The following SIAH3 variants were observed in gnomAD, a reference collection of about 807,000 sequenced individuals.
SIAH3 encodes the protein seven in absentia homolog 3.
SIAH3 carries 9 observed loss-of-function variants against 12.6 expected under a neutral mutation model. The ratio of observed to expected loss-of-function variants is 0.72; its 90% CI spans 0.43 to 1.25. The LOEUF is 1.25. SIAH3 is among the 50% of genes most tolerant of loss of function. The pLI is 0.00. For missense variants in SIAH3, 390 were observed against 365.4 expected (o/e 1.07, Z -0.55); for synonymous variants, 154 against 151.1 (o/e 1.02, Z -0.14).
chr13:45,802,908 C>G (rs1236559628), intron 1 of SIAH3, among the ~76,000 whole-genome samples: 1 of 152,030 alleles, frequency 6.6e-6, no homozygotes, highest in African/African-American at 2.4e-5. Flanking sequence ...CCCATCTCTA[C>G]TAAAAATACA....
chr13:45,841,610 A>G (rs1448576691), intron 1 of SIAH3, among the ~76,000 whole-genome samples: 1 of 152,250 alleles, frequency 6.6e-6, no homozygotes, highest in East Asian at 1.9e-4. Flanking sequence ...TGACACTTCC[A>G]GTTAGACCAC....
chr13:45,787,070 A>G (rs951155898), intron 1 of SIAH3, among the ~76,000 whole-genome samples: 4 of 152,062 alleles, frequency 2.6e-5, no homozygotes, highest in Non-Finnish European at 5.9e-5. Flanking sequence ...AGTGCCTTCC[A>G]TTGGTGAAAC....
At chr13:45,840,640 A>G (rs2137582915) in intron 1 of SIAH3, among the ~76,000 whole-genome samples, 1 of 152,334 alleles carries the variant, frequency 6.6e-6, no homozygotes, top group African/African-American at 2.4e-5. Context: ...AGAGAAGCAC[A>G]GAGGATGCTA....
chr13:45,790,202 G>C (rs1261183294), intron 1 of SIAH3, among the ~76,000 whole-genome samples: 1 of 152,146 alleles, frequency 6.6e-6, no homozygotes, highest in African/African-American at 2.4e-5. Flanking sequence ...GGAGAGATTG[G>C]TTAGTACACA....
At chr13:45,822,651 A>G (rs890282599) in intron 1 of SIAH3, among the ~76,000 whole-genome samples, 6 of 123,908 alleles carry the variant, frequency 4.8e-5, no homozygotes, top group African/African-American at 1.9e-4. Flanking sequence ...TTGATTTCCT[A>G]ATTTTGAAAA....
intron 1 of SIAH3, among the ~76,000 whole-genome samples, chr13:45,814,025 C>G (rs1950625307): frequency 6.6e-6 from 1 of 151,918 alleles, no homozygotes; most frequent in South Asian, 2.1e-4. Context: ...GATCATGAGG[C>G]CAGGAGATTG....
intron 1 of SIAH3, among the ~76,000 whole-genome samples, chr13:45,789,220 CCTT>C (rs1950537447): frequency 6.6e-6 from 1 of 152,234 alleles, no homozygotes; most frequent in African/African-American, 2.4e-5. Flanking sequence ...ATCTTATGCT[CCTT>C]CTCCTCCATA....
intron 1 of SIAH3, 141 bp from the exon 2 acceptor site, chr13:45,784,198 AAC>A (rs1950517763): frequency 3.7e-6 from 3 of 802,842 alleles, no homozygotes; most frequent in East Asian, 5.0e-5. Flanking sequence ...CAAACAAACA[AAC>A]AAACAAACAA....
intron 1 of SIAH3, among the ~76,000 whole-genome samples, chr13:45,848,862 T>C (rs1312327137): frequency 6.6e-6 from 1 of 152,216 alleles, no homozygotes; most frequent in Non-Finnish European, 1.5e-5. Context: ...CTATTCTGGG[T>C]TAATACTGCC....
At chr13:45,844,226 A>G (rs1175699868) in intron 1 of SIAH3, among the ~76,000 whole-genome samples, 1 of 152,210 alleles carries the variant, frequency 6.6e-6, no homozygotes, top group African/African-American at 2.4e-5. Context: ...GTAAAGCATT[A>G]TGTCGGATGT....
chr13:45,785,997 T>A (rs1435879573), intron 1 of SIAH3, among the ~76,000 whole-genome samples: 2 of 152,248 alleles, frequency 1.3e-5, no homozygotes, highest in African/African-American at 2.4e-5. Flanking sequence ...GAGGTATTTT[T>A]AAAATAATTA....
intron 1 of SIAH3, among the ~76,000 whole-genome samples, chr13:45,791,912 C>T (rs886727173): frequency 1.4e-4 from 22 of 152,142 alleles, no homozygotes; most frequent in African/African-American, 5.3e-4. Context: ...AGTGCTGTCT[C>T]ACTTCCTTAT....
chr13:45,823,907 T>C (rs944284627), intron 1 of SIAH3, among the ~76,000 whole-genome samples: 4 of 152,208 alleles, frequency 2.6e-5, no homozygotes, highest in Admixed American at 2.6e-4. Flanking sequence ...TCCTCTGTAG[T>C]AACATTGGGA....
At chr13:45,791,661 G>A (rs1950546072) in intron 1 of SIAH3, among the ~76,000 whole-genome samples, 1 of 152,254 alleles carries the variant, frequency 6.6e-6, no homozygotes, top group Non-Finnish European at 1.5e-5. Context: ...AGTGTGAGAA[G>A]TATGATAAAA....
rs1230666210 is a variant in SIAH3 at position 45,783,494 on chromosome 13, G to A, written c.699C>T (p.Asp233=). The stretch of plus-strand genomic sequence containing the variant: ...CCAGCGAGGTGTTGAGGACGAGGCA[G>A]TCCCCGTCCGTAATCACCGAGTCCA... The part of the protein sequence containing the change: ...ECVDSVITDG[D]CLVLNTSLAQ... The change falls in exon 2 of 2, where the codon GAC becomes GAT. Residue 233 remains aspartate, a synonymous_variant. Transcript: ENST00000400405. 5 of 1,614,186 alleles carry A rather than the reference G, an allele frequency of 3.1e-6. No individual in the cohort carries two copies. The highest frequency in any genetic ancestry group is 2.2e-5 in the East Asian group (1 of 44,860).
At chr13:45,815,591 G>A (rs1325038639) in intron 1 of SIAH3, among the ~76,000 whole-genome samples, 2 of 152,122 alleles carry the variant, frequency 1.3e-5, no homozygotes, top group Non-Finnish European at 2.9e-5. Context: ...CTGGTCTCCG[G>A]AGAACCATGA....
intron 1 of SIAH3, among the ~76,000 whole-genome samples, chr13:45,820,460 T>C (rs1950651822): frequency 6.6e-6 from 1 of 152,184 alleles, no homozygotes. Context: ...GACTGGAACC[T>C]GGTCTTCCCG....
intron 1 of SIAH3, among the ~76,000 whole-genome samples, chr13:45,826,369 A>ATGGTTGGGTAGGTGGG (rs369495671): frequency 1.2e-5 from 1 of 80,802 alleles, no homozygotes; most frequent in Non-Finnish European, 2.7e-5. Flanking sequence ...GGATGGATGG[A>ATGGTTGGGTAGGTGGG]TGGATGAATG....
At position 45,783,916 on chromosome 13, in the gene SIAH3, G is replaced by C; in HGVS notation, c.277C>G (p.Gln93Glu). ...HHAHPHHLHH[Q>E]EAGLHANPVT... ...GGGTTGGCGTGCAGCCCCGCCTCCTGGTGGTGAAGGTGGTGGGGGTGGGCG... is the reference window on the plus strand; with the variant it reads ...GGGTTGGCGTGCAGCCCCGCCTCCTCGTGGTGAAGGTGGTGGGGGTGGGCG... The change falls in exon 2 of 2, where the codon CAG becomes GAG. Residue 93 changes from glutamine (Q) to glutamate (E), a missense_variant. Gln to Glu is a conservative substitution (Grantham distance 29). Coordinates refer to ENST00000400405, the MANE Select transcript of SIAH3 (RefSeq NM_198849.3). The C allele has an allele frequency of 6.2e-7, 1 of 1,610,264 alleles. No individual in the cohort carries two copies. Among genetic ancestry groups the C allele is most frequent in the Non-Finnish European group, 8.5e-7 (1 of 1,178,196 alleles).
Sources: allele counts gnomAD v4.1 joint callset (sites outside exome capture counted in the v4.1 genomes callset), GRCh38; gene constraint gnomAD v4.1.1; transcripts MANE v1.5; gene names NCBI Gene and HGNC (gene_info 2026-07-23, HGNC 2026-07-21).